Variants in ZFHX3 observed in about 807,000 individuals in gnomAD.
ZFHX3 encodes zinc finger homeobox protein 3.
ZFHX3 carries 42 observed loss-of-function variants against 279.1 expected under a neutral mutation model. That is an observed-to-expected ratio of 0.15 (90% CI 0.12 to 0.19). The LOEUF is 0.19. Among genes scored for constraint, ZFHX3 ranks in the 10% least tolerant of loss-of-function variants. ZFHX3 has a pLI of 1.00. For missense variants in ZFHX3, 4,981 were observed against 4,754.0 expected (o/e 1.05, Z -1.40); for synonymous variants, 2,293 against 1,957.8 (o/e 1.17, Z -4.52).
chr16:73,790,456 G>A (rs1959790626), intron 1 of ZFHX3, among the ~76,000 whole-genome samples: 1 of 152,112 alleles, frequency 6.6e-6, no homozygotes, highest in Non-Finnish European at 1.5e-5. Flanking sequence ...GTGAAAAGGT[G>A]GATGCTTATG....
At chr16:73,564,136 C>G (rs1252987824) in intron 2 of ZFHX3, among the ~76,000 whole-genome samples, 5 of 152,176 alleles carry the variant, frequency 3.3e-5, no homozygotes, top group Non-Finnish European at 7.3e-5. Flanking sequence ...TCCTACCTGT[C>G]ACAAGTCTCC....
intron 2 of ZFHX3, among the ~76,000 whole-genome samples, chr16:73,557,164 G>A (rs1307569167): frequency 1.3e-5 from 2 of 150,968 alleles, no homozygotes; most frequent in Admixed American, 6.6e-5. Flanking sequence ...GGACAGGCAG[G>A]ATGAATGAGG....
At chr16:73,611,255 T>G (rs1455502015) in intron 2 of ZFHX3, among the ~76,000 whole-genome samples, 4 of 152,140 alleles carry the variant, frequency 2.6e-5, no homozygotes, top group Admixed American at 2.6e-4. Flanking sequence ...CTCAAGGCAC[T>G]GGGACCATGG....
At position 72,782,973 on chromosome 16, in the gene ZFHX3, C is replaced by T. The variant is rs1339970425; in HGVS notation, c.*4191G>A. On this transcript the variant is annotated 3_prime_UTR_variant, in exon 10 of 10. Transcript: ENST00000268489. ...TCAAAGGAGTATATTCAATTACCAT[C>T]TACAATCAACTTAACTATGACAACA... is the stretch of plus-strand genomic sequence containing the variant. 6.6e-6 allele frequency: 1 copy of T among 152,492 alleles called. No homozygotes were observed. The highest frequency in any genetic ancestry group is 1.5e-5 in the Non-Finnish European group (1 of 68,006). 9.4% of individuals were successfully genotyped at this position (152,492 alleles called of 1,614,324 possible). A position where few individuals can be genotyped will look rare whatever the true frequency, so the allele number is the denominator to read the frequency against.
chr16:73,546,348 G>C (rs185669787), intron 2 of ZFHX3, among the ~76,000 whole-genome samples: 2 of 152,150 alleles, frequency 1.3e-5, no homozygotes, highest in African/African-American at 4.8e-5. Context: ...GTTGGAGGCT[G>C]TAGGACCGGG....
intron 5 of ZFHX3, among the ~76,000 whole-genome samples, chr16:73,155,448 A>T (rs540749198): frequency 1.3e-5 from 2 of 152,176 alleles, no homozygotes; most frequent in African/African-American, 4.8e-5. Flanking sequence ...TCAGCTTTCC[A>T]TGGAAGTGGA....
chr16:73,440,725 A>G (rs772852891), intron 3 of ZFHX3, among the ~76,000 whole-genome samples: 1 of 152,214 alleles, frequency 6.6e-6, no homozygotes, highest in Non-Finnish European at 1.5e-5. Flanking sequence ...GGGAACCATC[A>G]TGGCCAGCCT....
chr16:73,404,289 C>T (rs1385151559), intron 3 of ZFHX3, among the ~76,000 whole-genome samples: 1 of 152,148 alleles, frequency 6.6e-6, no homozygotes, highest in Non-Finnish European at 1.5e-5. Flanking sequence ...TGGACTTCAA[C>T]CTCTATTCTG....
chr16:73,037,509 C>T (rs1964954137), intron 1 of ZFHX3, among the ~76,000 whole-genome samples: 2 of 152,122 alleles, frequency 1.3e-5, no homozygotes, highest in Admixed American at 1.3e-4. Flanking sequence ...CAAGAGGCAA[C>T]AGGAAAAAGC....
chr16:72,985,848 G>C (rs564482399), intron 1 of ZFHX3, among the ~76,000 whole-genome samples: 1 of 152,110 alleles, frequency 6.6e-6, no homozygotes, highest in Non-Finnish European at 1.5e-5. Context: ...GAAGCTGACC[G>C]CAGCACAGTT....
chr16:73,787,442 A>G (rs538532252), intron 1 of ZFHX3, among the ~76,000 whole-genome samples: 14 of 152,294 alleles, frequency 9.2e-5, no homozygotes, highest in Middle Eastern at 3.4e-3. Flanking sequence ...GATGGCAACA[A>G]TATAAGTACT....
intron 1 of ZFHX3, among the ~76,000 whole-genome samples, chr16:72,983,472 C>T (rs146209054): frequency 1.3e-4 from 20 of 152,190 alleles, no homozygotes; most frequent in East Asian, 5.8e-4. Flanking sequence ...TTTGGGAGGC[C>T]GAGGCGGGAG....
chr16:72,964,163 A>G (rs547615041), intron 1 of ZFHX3, among the ~76,000 whole-genome samples: 1 of 152,320 alleles, frequency 6.6e-6, no homozygotes, highest in East Asian at 1.9e-4. Flanking sequence ...AGGCCTCAGA[A>G]GTGCACATCC....
At chr16:73,693,832 G>A (rs926493372) in intron 1 of ZFHX3, among the ~76,000 whole-genome samples, 28 of 151,958 alleles carry the variant, frequency 1.8e-4, no homozygotes, top group Non-Finnish European at 3.2e-4. Context: ...TAACCTGTGC[G>A]TTTCCACATC....
chr16:73,034,560 C>T (rs1392737882), intron 1 of ZFHX3, among the ~76,000 whole-genome samples: 1 of 152,056 alleles, frequency 6.6e-6, no homozygotes, highest in Non-Finnish European at 1.5e-5. Flanking sequence ...CTTCCTCCTG[C>T]CCCAAACTAG....
At chr16:73,741,166 G>A (rs2053654371) in intron 1 of ZFHX3, among the ~76,000 whole-genome samples, 1 of 151,630 alleles carries the variant, frequency 6.6e-6, no homozygotes, top group African/African-American at 2.4e-5. Flanking sequence ...GAGTAGGTGG[G>A]ATTACAGGCG....
chr16:73,666,987 A>T (rs941003915), intron 2 of ZFHX3, among the ~76,000 whole-genome samples: 33 of 151,806 alleles, frequency 2.2e-4, no homozygotes, highest in Non-Finnish European at 3.7e-4. Flanking sequence ...CAGATATACA[A>T]CTTATTTATT....
At chr16:73,476,860 A>G (rs979345178) in intron 2 of ZFHX3, among the ~76,000 whole-genome samples, 21 of 152,374 alleles carry the variant, frequency 1.4e-4, no homozygotes, top group African/African-American at 4.6e-4. Flanking sequence ...ATGAACTTTC[A>G]GAAATTTTAA....
chr16:73,293,313 T>C (rs746917130), intron 4 of ZFHX3, among the ~76,000 whole-genome samples: 4 of 151,932 alleles, frequency 2.6e-5, no homozygotes, highest in Non-Finnish European at 5.9e-5. Flanking sequence ...AGGAAATAAC[T>C]CCACAAAGCC....
Sources: gnomAD v4.1 joint callset for allele counts (sites outside exome capture counted in the v4.1 genomes callset) on GRCh38, gnomAD v4.1.1 for gene constraint, MANE v1.5 for transcripts, NCBI Gene and HGNC (gene_info 2026-07-23, HGNC 2026-07-21) for gene names.